The following XRCC4 variants were observed in gnomAD, a reference collection of about 807,000 sequenced individuals.
XRCC4 encodes the protein DNA repair protein XRCC4.
In XRCC4, 28 loss-of-function variants were observed where a neutral mutation model predicts 39.1. The ratio of observed to expected loss-of-function variants is 0.72; its 90% confidence interval spans 0.53 to 0.98. The LOEUF (loss-of-function observed/expected upper bound fraction) is 0.98. XRCC4 is among the 50% of genes least tolerant of loss of function. The pLI is 0.00. For missense variants in XRCC4, 350 were observed against 376.4 expected (o/e 0.93, Z 0.58); for synonymous variants, 123 against 126.4 (o/e 0.97, Z 0.18).
intron 7 of XRCC4, among the ~76,000 whole-genome samples, chr5:83,302,224 GTC>G (rs1755311493): frequency 6.6e-6 from 1 of 150,910 alleles, no homozygotes. Context: ...GAATGATTCT[GTC>G]TCTCTGGTGT....
intron 3 of XRCC4, among the ~76,000 whole-genome samples, chr5:83,192,767 A>G (rs976199821): frequency 1.3e-5 from 2 of 152,182 alleles, no homozygotes; most frequent in African/African-American, 4.8e-5. Context: ...ACTACAAAAA[A>G]ACTCTTAATT....
intron 7 of XRCC4, among the ~76,000 whole-genome samples, chr5:83,313,081 CT>C (rs34133547): frequency 0.71 from 100,780 of 142,838 alleles, 37,322 homozygotes; most frequent in Non-Finnish European, 0.85. Flanking sequence ...TCTTTTCTTT[CT>C]TTTTTTTTTT....
At chr5:83,195,205 A>G (rs1046844909) in intron 3 of XRCC4, among the ~76,000 whole-genome samples, 3 of 152,154 alleles carry the variant, frequency 2.0e-5, no homozygotes, top group Admixed American at 2.0e-4. Flanking sequence ...ACCTTTATGC[A>G]AAAGTACTAA....
chr5:83,169,049 G>T (rs1749612176), intron 3 of XRCC4, among the ~76,000 whole-genome samples: 1 of 152,078 alleles, frequency 6.6e-6, no homozygotes, highest in African/African-American at 2.4e-5. Flanking sequence ...GGGAGCTGTG[G>T]GTGGGGTTAA....
chr5:83,235,719 G>A (rs1361802482), intron 6 of XRCC4, among the ~76,000 whole-genome samples: 1 of 151,996 alleles, frequency 6.6e-6, no homozygotes, highest in Non-Finnish European at 1.5e-5. Flanking sequence ...GGAGTCCTAG[G>A]CAGAGCAATT....
chr5:83,128,137 C>A (rs193152317), intron 3 of XRCC4, among the ~76,000 whole-genome samples: 1 of 152,164 alleles, frequency 6.6e-6, no homozygotes, highest in South Asian at 2.1e-4. Context: ...TGCCACCCCA[C>A]GACAGGCCCC....
At position 83,147,028 on chromosome 5, in the gene XRCC4, A is replaced by G. The variant is rs73148099; in HGVS notation, c.315+35825A>G. ...ATGGTCCTGACTTTTAATTCTGGCC[A>G]CAAATTACACTCGTTCTGTGGCCTT... On this transcript the variant is annotated intron_variant, in intron 3 of 7. Transcript: ENST00000396027. Among the ~76,000 whole-genome samples, 240 of 152,346 alleles carry G rather than the reference A, an allele frequency of 1.6e-3. 1 individual carries two copies. Among genetic ancestry groups the G allele is most frequent in the African/African-American group, 5.7e-3 (238 of 41,582 alleles).
chr5:83,250,330 C>T (rs575122384), intron 6 of XRCC4, among the ~76,000 whole-genome samples: 1 of 152,240 alleles, frequency 6.6e-6, no homozygotes, highest in Admixed American at 6.5e-5. Context: ...GAACTGGCAC[C>T]AGCAGGCATA....
intron 3 of XRCC4, among the ~76,000 whole-genome samples, chr5:83,144,561 C>G (rs1315560121): frequency 1.1e-5 from 1 of 94,918 alleles, no homozygotes; most frequent in Non-Finnish European, 2.0e-5. Flanking sequence ...CACCCCCCCC[C>G]CCCCACCCCC....
intron 1 of XRCC4, among the ~76,000 whole-genome samples, chr5:83,087,298 CAGAGTG>C (rs1253132471): frequency 6.6e-6 from 1 of 152,050 alleles, no homozygotes; most frequent in Admixed American, 6.5e-5. Flanking sequence ...GCCTGGGCAA[CAGAGTG>C]AGACCCTGTC....
chr5:83,284,442 A>T (rs937814423), intron 7 of XRCC4, among the ~76,000 whole-genome samples: 6 of 152,114 alleles, frequency 3.9e-5, no homozygotes, highest in African/African-American at 1.4e-4. Flanking sequence ...AACTGAAATC[A>T]TTTATAAAGT....
At chr5:83,192,758 C>G (rs1750769899) in intron 3 of XRCC4, among the ~76,000 whole-genome samples, 1 of 152,054 alleles carries the variant, frequency 6.6e-6, no homozygotes, top group South Asian at 2.1e-4. Context: ...TGAGAACTAA[C>G]TACAAAAAAA....
chr5:83,259,391 AGAT>A (rs1329171854), intron 7 of XRCC4: 1 of 152,134 alleles, frequency 6.6e-6, no homozygotes, highest in African/African-American at 2.4e-5. Flanking sequence ...ATGCTGTGGC[AGAT>A]GATTTTATAG....
the XRCC4 span, among the ~76,000 whole-genome samples, chr5:83,370,046 A>C: frequency 6.6e-6 from 1 of 152,010 alleles, no homozygotes; most frequent in African/African-American, 2.4e-5. Context: ...ACCTGGTCTA[A>C]TTTGCTAACC....
At chr5:83,114,760 C>A (rs976615477) in intron 3 of XRCC4, among the ~76,000 whole-genome samples, 9 of 152,270 alleles carry the variant, frequency 5.9e-5, no homozygotes, top group Middle Eastern at 3.4e-3. Context: ...TACCCAGTTC[C>A]GAAGTTTCTT....
intron 7 of XRCC4, among the ~76,000 whole-genome samples, chr5:83,314,584 G>A (rs1321826490): frequency 5.3e-5 from 8 of 152,110 alleles, no homozygotes; most frequent in Admixed American, 4.6e-4. Context: ...TTGAACAAGT[G>A]TGTTGGTGCC....
At chr5:83,243,737 CTAT>C (rs1313548742) in intron 6 of XRCC4, among the ~76,000 whole-genome samples, 4 of 152,092 alleles carry the variant, frequency 2.6e-5, no homozygotes, top group African/African-American at 9.7e-5. Context: ...AGAAGGGAGG[CTAT>C]TGATCCTGAA....
the XRCC4 span, among the ~76,000 whole-genome samples, chr5:83,360,147 G>C: frequency 6.6e-6 from 1 of 152,098 alleles, no homozygotes; most frequent in South Asian, 2.1e-4. Context: ...AAATAGTCAA[G>C]AGACTACTTC....
chr5:83,224,182 T>C (rs1301869887), intron 6 of XRCC4, among the ~76,000 whole-genome samples: 1 of 152,092 alleles, frequency 6.6e-6, no homozygotes, highest in Non-Finnish European at 1.5e-5. Flanking sequence ...TATTTTCTAG[T>C]GTTTTTTTTG....
Sources: gnomAD v4.1 joint callset for allele counts (sites outside exome capture counted in the v4.1 genomes callset) on GRCh38, gnomAD v4.1.1 for gene constraint, MANE v1.5 for transcripts, NCBI Gene and HGNC (gene_info 2026-07-23, HGNC 2026-07-21) for gene names.